Variants in POGZ observed in about 807,000 individuals in gnomAD.
POGZ encodes pogo transposable element derived with ZNF domain, also known as pogo transposable element with ZNF domain.
Under a neutral mutation model 134.6 loss-of-function variants are expected in POGZ, and 17 were observed. That is an observed-to-expected ratio of 0.13 (90% CI 0.09 to 0.19). POGZ has a LOEUF of 0.19. Among genes scored for constraint, POGZ ranks in the 10% least tolerant of loss-of-function variants. The probability of loss-of-function intolerance (pLI) is 1.00; values close to 1 mark genes in which losing one functional copy is unlikely to be tolerated. For synonymous variants in POGZ, 693 were observed against 657.1 expected, an observed-to-expected ratio of 1.05 and a Z score of -0.84; for missense variants, 1,306 against 1,769.7, an observed-to-expected ratio of 0.74 and a Z score of 4.70.
At chr1:151,441,954 A>C in intron 2 of POGZ, 127 bp downstream of exon 2, 1 of 628,946 alleles carries the variant, frequency 1.6e-6, no homozygotes, top group South Asian at 2.1e-5. Flanking sequence ...AAAAGGCAGC[A>C]CCAGTGAGTG....
intron 3 of POGZ, among the ~76,000 whole-genome samples, chr1:151,433,138 G>A (rs1658980598): frequency 6.6e-6 from 1 of 152,088 alleles, no homozygotes; most frequent in African/African-American, 2.4e-5. Flanking sequence ...TACAAGAAGG[G>A]AAAGATGGAG....
At position 151,442,105 on chromosome 1, in the gene POGZ, T is replaced by C; in HGVS notation, c.100A>G (p.Asn34Asp). 6.2e-7 allele frequency: 1 copy of C among 1,604,220 alleles called. No individual in the cohort carries two copies. Among genetic ancestry groups the C allele is most frequent in the Non-Finnish European group, 8.5e-7 (1 of 1,171,122 alleles). The change falls in exon 2 of 19, where the codon AAT (asparagine) becomes GAT (aspartate). Residue 34 changes from asparagine to aspartate, a missense_variant. Physicochemically the swap from Asn to Asp is conservative, Grantham distance 23. Around this residue, in one of 10 missense-constraint regions of POGZ, gnomAD observed 541 missense variants for 680.5 expected, o/e 0.80. Transcript: ENST00000271715. ...CCTGTGGTAGTTTTATCCACTGAAT[T>C]ATAATCTTCAACTACAGAGTCCTCA... The part of the protein sequence containing the change: ...VIEDSVVEDY[N>D]SVDKTTTVSV...
chr1:151,451,031 G>A (rs1661994510), intron 1 of POGZ: 1 of 151,188 alleles, frequency 6.6e-6, no homozygotes, highest in Non-Finnish European at 1.5e-5. Flanking sequence ...GACCAGAGAT[G>A]TGGTGAAACC....
chr1:151,425,158 T>C (rs1657553851), intron 7 of POGZ, 97 bp from the exon 8 acceptor site: 2 of 677,704 alleles, frequency 3.0e-6, no homozygotes, highest in Non-Finnish European at 5.5e-6. Context: ...CTGAGAAGTA[T>C]ATAAAAGGGT....
In POGZ at chr1:151,424,098, G is replaced by A. The variant is rs1418593404; in HGVS notation, c.1374C>T (p.Gly458=). 9 of 1,614,000 alleles carry A rather than the reference G, an allele frequency of 5.6e-6. No individual in the cohort carries two copies. The highest frequency in any genetic ancestry group is 1.7e-5 in the Admixed American group (1 of 59,996). Residue 458 remains glycine, a synonymous_variant, in exon 9 of 19, where the codon GGC becomes GGT. Coordinates refer to ENST00000271715, the MANE Select transcript of POGZ (RefSeq NM_015100.4). ...TKVPEPNENV[G]DAVQTKLIML... ...TAATGAGTTTGGTCTGGACGGCATC[G>A]CCCACGTTCTCATTTGGTTCTGGTA... is the stretch of plus-strand genomic sequence containing the variant.
At chr1:151,443,311 C>G (rs751975807) in intron 1 of POGZ, among the ~76,000 whole-genome samples, 1 of 152,150 alleles carries the variant, frequency 6.6e-6, no homozygotes, top group African/African-American at 2.4e-5. Context: ...CTACCTTGTA[C>G]GTCTAGTCTA....
In POGZ at chr1:151,443,801, A is replaced by G. The variant is rs140887016; in HGVS notation, c.-1-1596T>C. Among the ~76,000 whole-genome samples the G allele has an allele frequency of 2.6e-3, 392 of 152,346 alleles. 3 individuals carry two copies. The highest frequency in any genetic ancestry group is 8.9e-3 in the African/African-American group (372 of 41,582). The stretch of plus-strand genomic sequence containing the variant: ...AGAGTTAATGCTATTCTGCCCTCCA[A>G]TAACAGTTTACTAAGGGTCAGTTTC... On this transcript the variant is annotated intron_variant, in intron 1 of 18. Transcript: ENST00000271715.
intron 4 of POGZ, among the ~76,000 whole-genome samples, chr1:151,430,443 CACTTA>C (rs1658501819): frequency 6.6e-6 from 1 of 152,180 alleles, no homozygotes; most frequent in African/African-American, 2.4e-5. Flanking sequence ...TTAATCAAAT[CACTTA>C]ATAAACTTCT....
chr1:151,428,208 A>G lies in POGZ; in HGVS notation c.774T>C (p.Thr258=). 6.2e-7 allele frequency: 1 copy of G among 1,613,988 alleles called. No individual in the cohort carries two copies. The highest frequency in any genetic ancestry group is 8.5e-7 in the Non-Finnish European group (1 of 1,179,950). ...QTKSTPSTST[T]PTATQPTSLG... is the part of the protein sequence containing the mutation. ...GTGAGGTTGGCTGTGTGGCAGTGGG[A>G]GTGGTAGAAGTGCTGGGAGTGGACT... The change falls in exon 6 of 19, where the codon ACT becomes ACC. Residue 258 remains threonine, a synonymous_variant. Transcript: ENST00000271715.
intron 12 of POGZ, among the ~76,000 whole-genome samples, chr1:151,410,095 A>G (rs1654403632): frequency 6.6e-6 from 1 of 152,186 alleles, no homozygotes; most frequent in African/African-American, 2.4e-5. Flanking sequence ...CTTATTCTCC[A>G]TTTTGAATCC....
In POGZ at chr1:151,404,373, CAA is replaced by C; in HGVS notation, c.*427_*428del. The C allele has an allele frequency of 1.0e-6, 1 of 988,094 alleles. No homozygotes were observed. Among genetic ancestry groups the C allele is most frequent in the Non-Finnish European group, 1.2e-6 (1 of 830,902 alleles). The allele number at this position is 988,094 out of a possible 1,614,324, so 61.2% of individuals were successfully genotyped here. On this transcript the variant is annotated 3_prime_UTR_variant, in exon 19 of 19. Coordinates refer to ENST00000271715, the MANE Select transcript of POGZ (RefSeq NM_015100.4). ...AACAATGATTAGATAGCATCATGCC[CAA>C]AGACATTGGCCACACAATAAAACAA... is the stretch of plus-strand genomic sequence containing the variant.
At chr1:151,449,234 G>A (rs1343179763) in intron 1 of POGZ, among the ~76,000 whole-genome samples, 1 of 152,058 alleles carries the variant, frequency 6.6e-6, no homozygotes, top group East Asian at 1.9e-4. Context: ...TTACATCAAG[G>A]GAACCCTAGT....
chr1:151,408,854 G>C, intron 12 of POGZ, 26 bp from the exon 13 acceptor site: 1 of 1,600,802 alleles, frequency 6.2e-7, no homozygotes. Flanking sequence ...GAAAAAAAGA[G>C]ACAAAATCCC....
intron 3 of POGZ, among the ~76,000 whole-genome samples, chr1:151,435,650 A>G (rs1659454914): frequency 6.6e-6 from 1 of 151,420 alleles, no homozygotes; most frequent in Admixed American, 6.6e-5. Flanking sequence ...ATGCCACCAC[A>G]CTCGCCTAAT....
chr1:151,434,714 C>G (rs1241047282), intron 3 of POGZ, among the ~76,000 whole-genome samples: 1 of 151,850 alleles, frequency 6.6e-6, no homozygotes, highest in African/African-American at 2.4e-5. Context: ...TCCCAAGTAG[C>G]TGGGACTACA....
chr1:151,426,193 T>TA (rs1657737409), intron 7 of POGZ: 1 of 152,012 alleles, frequency 6.6e-6, no homozygotes, highest in African/African-American at 2.4e-5. Context: ...TCCTACTTTT[T>TA]TTTTTTTTTT....
In POGZ at chr1:151,408,416, T is replaced by G; in HGVS notation, c.2227A>C (p.Arg743=). The G allele has an allele frequency of 6.3e-7, 1 of 1,587,766 alleles. No homozygotes were observed. Among genetic ancestry groups the G allele is most frequent in the Non-Finnish European group, 8.5e-7 (1 of 1,172,252 alleles). ...TTAGAAGAAGGCGCTGACATTTTCCTAACAGCTCTCTTCTGGATGCTGCGC... is the reference window on the plus strand; with the variant it reads ...TTAGAAGAAGGCGCTGACATTTTCCGAACAGCTCTCTTCTGGATGCTGCGC... The part of the protein sequence containing the change: ...VQRSIQKRAV[R]KMSVMGRQTC... The change falls in exon 14 of 19, where the codon AGG becomes CGG. Residue 743 remains arginine, a synonymous_variant. Transcript: ENST00000271715.
intron 10 of POGZ, among the ~76,000 whole-genome samples, chr1:151,419,197 T>C (rs1656389817): frequency 6.6e-6 from 1 of 151,194 alleles, no homozygotes; most frequent in Admixed American, 6.6e-5. Context: ...CTACTAAAAA[T>C]AAACAAACAA....
rs1294119344 is a variant in POGZ, at chr1:151,459,238, GGGAGCA to G, written c.-94_-89del. ...CTTACACCCGGCGCCAGAAGGGGGT[GGGAGCA>G]GGGGGAGGGGACGGGGGCTTGGGGG... On this transcript the variant is annotated 5_prime_UTR_variant, in exon 1 of 19. Coordinates refer to ENST00000271715, the MANE Select transcript of POGZ (RefSeq NM_015100.4). 3 of 152,014 alleles carry G rather than the reference GGGAGCA, an allele frequency of 2.0e-5. No individual in the cohort carries two copies. The highest frequency in any genetic ancestry group is 4.4e-5 in the Non-Finnish European group (3 of 67,968). 9.4% of individuals were successfully genotyped at this position (152,014 alleles called of 1,614,324 possible).
Sources: gnomAD v4.1 joint callset for allele counts (sites outside exome capture counted in the v4.1 genomes callset) on GRCh38, gnomAD v4.1.1 for gene constraint, gnomAD v4.1.1 regional missense constraint, MANE v1.5 for transcripts, NCBI Gene and HGNC (gene_info 2026-07-23, HGNC 2026-07-21) for gene names.